Variants in STX12 observed in about 807,000 individuals in gnomAD.
STX12 encodes the protein syntaxin-12.
In STX12, 17 loss-of-function variants were observed where a neutral mutation model predicts 42.2. The ratio of observed to expected loss-of-function variants is 0.40; its 90% CI spans 0.28 to 0.60. The LOEUF (loss-of-function observed/expected upper bound fraction) is 0.60. Among genes scored for constraint, STX12 ranks in the 20% least tolerant of loss-of-function variants. The pLI is 0.39. For missense variants in STX12, 297 were observed against 330.9 expected (o/e 0.90, Z 0.79); for synonymous variants, 108 against 116.7 (o/e 0.93, Z 0.48).
chr1:27,783,706 C>T (rs1445994806), intron 1 of STX12, among the ~76,000 whole-genome samples: 1 of 152,170 alleles, frequency 6.6e-6, no homozygotes, highest in East Asian at 1.9e-4. Context: ...TTGGCCTAGT[C>T]ATCTGGTTTC....
intron 7 of STX12, among the ~76,000 whole-genome samples, chr1:27,818,880 G>A (rs1330494913): frequency 6.6e-6 from 1 of 152,270 alleles, no homozygotes; most frequent in East Asian, 1.9e-4. Context: ...TGCCCGCCTT[G>A]GCCTCCCAGG....
intron 1 of STX12, among the ~76,000 whole-genome samples, chr1:27,781,195 C>T (rs1345484910): frequency 1.3e-5 from 2 of 151,968 alleles, no homozygotes; most frequent in Admixed American, 1.3e-4. Flanking sequence ...AGGCTCATGC[C>T]ACCACGCCCA....
At chr1:27,791,987 A>AAT (rs960773476) in intron 2 of STX12, among the ~76,000 whole-genome samples, 10 of 145,562 alleles carry the variant, frequency 6.9e-5, no homozygotes, top group South Asian at 2.1e-4. Context: ...CATCTCAAAA[A>AAT]ATATATATAT....
chr1:27,816,786 TG>T (rs2088946193), intron 6 of STX12, among the ~76,000 whole-genome samples: 1 of 151,642 alleles, frequency 6.6e-6, no homozygotes, highest in African/African-American at 2.4e-5. Context: ...CGTGGTGGCA[TG>T]GGCCTGTAAT....
At chr1:27,805,952 G>T (rs774895818) in intron 4 of STX12, among the ~76,000 whole-genome samples, 1 of 151,992 alleles carries the variant, frequency 6.6e-6, no homozygotes, top group Non-Finnish European at 1.5e-5. Context: ...AACATCTGTT[G>T]GTCTATATTA....
rs1438002872 is a variant in STX12 at position 27,823,779 on chromosome 1, G to A, written c.*1450G>A. The stretch of plus-strand genomic sequence containing the variant: ...ATGTTTTTTAAAGCTTTTGTAGTAT[G>A]TTTTTATGAGTTAACATCCTAATGT... On this transcript the variant is annotated 3_prime_UTR_variant, in exon 9 of 9. Transcript: ENST00000373943. 6.6e-6 allele frequency: 1 copy of A among 152,622 alleles called. No individual in the cohort carries two copies. The highest frequency in any genetic ancestry group is 1.5e-5 in the Non-Finnish European group (1 of 68,040). 9.5% of individuals were successfully genotyped at this position (152,622 alleles called of 1,614,324 possible). A position where few individuals can be genotyped will look rare whatever the true frequency, so the allele number is the denominator to read the frequency against.
chr1:27,792,118 TA>T (rs1476883417), intron 2 of STX12, among the ~76,000 whole-genome samples: 1 of 130,260 alleles, frequency 7.7e-6, no homozygotes, highest in South Asian at 2.2e-4. Context: ...TATAAATATA[TA>T]ATATATATCT....
At chr1:27,815,223 G>C (rs1055244871) in intron 6 of STX12, among the ~76,000 whole-genome samples, 4 of 152,174 alleles carry the variant, frequency 2.6e-5, no homozygotes, top group African/African-American at 9.7e-5. Context: ...ACCAAGGGAC[G>C]AATGTACCGT....
Position 27,817,870 on chromosome 1 carries a change from A to C in STX12, c.596A>C (p.Asn199Thr). ...CCTTAGGCTGACATTTTGGATGTCA[A>C]TCAGATATTTAAAGATTTGGCCATG... is the stretch of plus-strand genomic sequence containing the variant. The part of the protein sequence containing the change: ...RQLEADILDV[N>T]QIFKDLAMMI... The change falls in exon 7 of 9, where the codon AAT (asparagine) becomes ACT (threonine). Residue 199 changes from asparagine to threonine, a missense_variant. Asn to Thr is a moderately conservative substitution (Grantham distance 65, BLOSUM62 0). Coordinates refer to ENST00000373943, the MANE Select transcript of STX12 (RefSeq NM_177424.3). The C allele has an allele frequency of 6.2e-7, 1 of 1,614,054 alleles. No homozygotes were observed. The highest frequency in any genetic ancestry group is 8.5e-7 in the Non-Finnish European group (1 of 1,179,996).
intron 4 of STX12, among the ~76,000 whole-genome samples, chr1:27,805,722 C>T (rs993466438): frequency 1.2e-4 from 18 of 152,072 alleles, no homozygotes; most frequent in Admixed American, 1.0e-3. Context: ...CAGCTTTTTT[C>T]GTCTAGGATT....
At chr1:27,817,997 C>T in intron 7 of STX12, 74 bp downstream of exon 7, 1 of 1,310,174 alleles carries the variant, frequency 7.6e-7, no homozygotes, top group Non-Finnish European at 1.1e-6. Context: ...CCCAGCTACT[C>T]AGAAGGCTGA....
chr1:27,797,769 C>G (rs1191132193), intron 3 of STX12, among the ~76,000 whole-genome samples: 2 of 152,072 alleles, frequency 1.3e-5, no homozygotes, highest in Non-Finnish European at 2.9e-5. Flanking sequence ...AACCCCTTAA[C>G]TAAGTTCATT....
rs569820738 is a variant in STX12 at position 27,791,989 on chromosome 1, T to A, written c.189-1544T>A. On this transcript the variant is annotated intron_variant, in intron 2 of 8. Transcript: ENST00000373943. ...CAGAGCAAGACTCCATCTCAAAAAA[T>A]ATATATATATAATATAAATATAGTA... Among the ~76,000 whole-genome samples, 99 of 144,298 alleles carry A rather than the reference T, an allele frequency of 6.9e-4. 1 individual carries two copies. The highest frequency in any genetic ancestry group is 3.3e-3 in the Admixed American group (46 of 13,960). The allele number at this position is 144,298 out of a possible 152,430, so 94.7% of individuals were successfully genotyped here.
intron 8 of STX12, among the ~76,000 whole-genome samples, chr1:27,820,861 C>T (rs1034518640): frequency 7.2e-5 from 11 of 152,208 alleles, no homozygotes; most frequent in Middle Eastern, 6.8e-3. Context: ...ACGATGAGTT[C>T]GTGTCCTTTG....
At chr1:27,806,760 C>G (rs1286494222) in intron 4 of STX12, among the ~76,000 whole-genome samples, 3 of 152,164 alleles carry the variant, frequency 2.0e-5, no homozygotes, top group Admixed American at 2.0e-4. Context: ...AATTGACTCA[C>G]AGTTCTGCGT....
intron 5 of STX12, among the ~76,000 whole-genome samples, chr1:27,811,337 G>A (rs1031960337): frequency 6.6e-6 from 1 of 151,014 alleles, no homozygotes; most frequent in Non-Finnish European, 1.5e-5. Context: ...AGGCATGGTG[G>A]CTCAAGCCTG....
At chr1:27,807,750 A>G (rs2088873110) in intron 4 of STX12, among the ~76,000 whole-genome samples, 1 of 152,250 alleles carries the variant, frequency 6.6e-6, no homozygotes, top group African/African-American at 2.4e-5. Context: ...GCATAGCAGC[A>G]TTGTTTGTAG....
chr1:27,773,452 C>G (rs1220360346), intron 1 of STX12, 27 bp downstream of exon 1: 1 of 1,603,732 alleles, frequency 6.2e-7, no homozygotes, highest in Non-Finnish European at 8.5e-7. Context: ...AGCTGGGGGG[C>G]GGGAGCTGTC....
chr1:27,787,306 A>C (rs2088705971), intron 1 of STX12, among the ~76,000 whole-genome samples: 1 of 152,218 alleles, frequency 6.6e-6, no homozygotes, highest in Non-Finnish European at 1.5e-5. Context: ...CTGTTTAGGA[A>C]TAGAAGCACC....
Sources: allele counts gnomAD v4.1 joint callset (sites outside exome capture counted in the v4.1 genomes callset), GRCh38; gene constraint gnomAD v4.1.1; transcripts MANE v1.5; gene names NCBI Gene and HGNC (gene_info 2026-07-23, HGNC 2026-07-21).